Variants in LARGE1 observed in about 807,000 individuals in gnomAD.
LARGE1 encodes the protein xylosyl- and glucuronyltransferase LARGE1.
LARGE1 carries 43 observed loss-of-function variants against 87.6 expected under a neutral mutation model. The observed-to-expected ratio is 0.49, with a 90% CI of 0.38 to 0.63. LARGE1 has a LOEUF of 0.63. Among genes scored for constraint, LARGE1 ranks in the 30% least tolerant of loss-of-function variants. The pLI, the probability that LARGE1 is intolerant of heterozygous loss-of-function variation, is 0.00. For missense variants in LARGE1, 802 were observed against 1,000.2 expected (o/e 0.80, Z 2.67); for synonymous variants, 434 against 394.6 (o/e 1.10, Z -1.18).
the LARGE1 span, among the ~76,000 whole-genome samples, chr22:33,090,688 A>C: frequency 6.6e-6 from 1 of 152,334 alleles, no homozygotes; most frequent in East Asian, 1.9e-4. Flanking sequence ...ATTTGGGGAC[A>C]CAGGATGTAA....
chr22:33,292,025 C>T (rs1309693650), intron 12 of LARGE1, among the ~76,000 whole-genome samples: 1 of 152,002 alleles, frequency 6.6e-6, no homozygotes, highest in Non-Finnish European at 1.5e-5. Flanking sequence ...ACCAGGGAGG[C>T]GGAGGTTGCA....
chr22:33,866,656 A>G (rs1019529007), intron 1 of LARGE1, among the ~76,000 whole-genome samples: 2 of 152,224 alleles, frequency 1.3e-5, no homozygotes, highest in Admixed American at 1.3e-4. Flanking sequence ...AGCACTCACA[A>G]TAATGCTTAT....
chr22:33,749,724 T>C (rs73402876), intron 2 of LARGE1, among the ~76,000 whole-genome samples: 6,190 of 152,316 alleles, frequency 0.041, 417 homozygotes, highest in African/African-American at 0.14. Flanking sequence ...TTTTTCGTTA[T>C]ACTGGCTTAT....
chr22:33,832,468 ACAGTGCTGT>A (rs142329704), intron 1 of LARGE1, among the ~76,000 whole-genome samples: 4,005 of 152,270 alleles, frequency 0.026, 63 homozygotes, highest in Admixed American at 0.05. Flanking sequence ...GTGTTAAGGG[ACAGTGCTGT>A]CAGTGCTGTC....
chr22:33,245,793 C>A (rs1418089483), intron 11 of LARGE1, among the ~76,000 whole-genome samples: 1 of 152,100 alleles, frequency 6.6e-6, no homozygotes, highest in Non-Finnish European at 1.5e-5. Flanking sequence ...CCTGTAGTCC[C>A]AGCTATTTGG....
chr22:33,678,617 T>C (rs1245166191), intron 2 of LARGE1, among the ~76,000 whole-genome samples: 6 of 152,334 alleles, frequency 3.9e-5, no homozygotes, highest in Admixed American at 3.3e-4. Flanking sequence ...TTTTCAGCAC[T>C]GGCACTAGCA....
At chr22:33,850,077 T>C (rs1473348251) in intron 1 of LARGE1, among the ~76,000 whole-genome samples, 1 of 151,958 alleles carries the variant, frequency 6.6e-6, no homozygotes, top group Admixed American at 6.6e-5. Flanking sequence ...CACAGAAAAG[T>C]AAAAGGAGGA....
At chr22:33,837,587 C>A (rs2063147284) in intron 1 of LARGE1, among the ~76,000 whole-genome samples, 2 of 152,142 alleles carry the variant, frequency 1.3e-5, no homozygotes, top group Admixed American at 1.3e-4. Flanking sequence ...ACTGTGAAAA[C>A]CCTTGTGAGA....
chr22:33,403,140 C>T (rs1325089195), intron 7 of LARGE1, among the ~76,000 whole-genome samples: 1 of 152,164 alleles, frequency 6.6e-6, no homozygotes, highest in Admixed American at 6.5e-5. Flanking sequence ...TGCTTTGTGG[C>T]ACCAAACTCT....
chr22:33,754,735 T>C (rs540444938), intron 2 of LARGE1, among the ~76,000 whole-genome samples: 36 of 152,322 alleles, frequency 2.4e-4, no homozygotes, highest in African/African-American at 8.4e-4. Context: ...TACTCCATAA[T>C]ATCCTTACTA....
At chr22:33,146,377 G>T in the LARGE1 span, among the ~76,000 whole-genome samples, 1 of 152,150 alleles carries the variant, frequency 6.6e-6, no homozygotes, top group African/African-American at 2.4e-5. Context: ...TTGGCTCAAT[G>T]AGCCCAGTTA....
intron 6 of LARGE1, among the ~76,000 whole-genome samples, chr22:33,513,326 A>G (rs1267734359): frequency 6.6e-6 from 1 of 152,238 alleles, no homozygotes; most frequent in Non-Finnish European, 1.5e-5. Context: ...ATTTCAAGGT[A>G]ATAAGAAAAG....
intron 9 of LARGE1, among the ~76,000 whole-genome samples, chr22:33,339,813 C>T (rs116542071): frequency 0.049 from 7,475 of 152,088 alleles, 351 homozygotes; most frequent in African/African-American, 0.13. Flanking sequence ...GGACCAGGCA[C>T]ATGCCACTAT....
chr22:33,297,972 A>G lies in LARGE1; in HGVS notation c.1730+6257T>C, dbSNP rs1450262549. Among the ~76,000 whole-genome samples the G allele has an allele frequency of 2.1e-5, 3 of 140,572 alleles. No individual in the cohort carries two copies. The Admixed American group carries it at 2.1e-4, about 10-fold the overall frequency. The allele number at this position is 140,572 out of a possible 152,430, so 92.2% of individuals were successfully genotyped here. A position where few individuals can be genotyped will look rare whatever the true frequency, so the allele number is the denominator to read the frequency against. On this transcript the variant is annotated intron_variant, in intron 12 of 14. Coordinates refer to ENST00000397394, the MANE Select transcript of LARGE1 (RefSeq NM_133642.5). ...TCCAGCCTGGGGACAAGGGCGAGAC[A>G]TCATCTCAAAAAAAAAAAAAAAAAA...
chr22:33,144,042 ATTTTC>A, the LARGE1 span, among the ~76,000 whole-genome samples: 1 of 151,620 alleles, frequency 6.6e-6, no homozygotes, highest in African/African-American at 2.4e-5. Flanking sequence ...TTTACTCTTT[ATTTTC>A]TTTGATTCTG....
intron 9 of LARGE1, among the ~76,000 whole-genome samples, chr22:33,339,374 AG>A (rs11313824): frequency 0.013 from 1,956 of 152,024 alleles, 45 homozygotes; most frequent in African/African-American, 0.044. Flanking sequence ...TTTCCGCACA[AG>A]GGGCGGAAAA....
At chr22:33,314,945 C>A (rs754964631) in intron 11 of LARGE1, among the ~76,000 whole-genome samples, 1 of 152,154 alleles carries the variant, frequency 6.6e-6, no homozygotes, top group Non-Finnish European at 1.5e-5. Context: ...TGCAGGGGCT[C>A]ACACTTGTAA....
chr22:33,082,399 C>T, the LARGE1 span, among the ~76,000 whole-genome samples: 1 of 152,106 alleles, frequency 6.6e-6, no homozygotes, highest in African/African-American at 2.4e-5. Flanking sequence ...AATTAGGGAT[C>T]TAATGTATTG....
chr22:33,113,095 A>C, the LARGE1 span, among the ~76,000 whole-genome samples: 1 of 152,190 alleles, frequency 6.6e-6, no homozygotes, highest in Non-Finnish European at 1.5e-5. Context: ...GTTTTAAAGG[A>C]ATATATGCTC....
Sources: gnomAD v4.1 joint callset for allele counts (sites outside exome capture counted in the v4.1 genomes callset) on GRCh38, gnomAD v4.1.1 for gene constraint, MANE v1.5 for transcripts, NCBI Gene and HGNC (gene_info 2026-07-23, HGNC 2026-07-21) for gene names.